Variants in PTPRB observed in about 807,000 individuals in gnomAD.
The protein encoded by PTPRB is receptor-type tyrosine-protein phosphatase beta.
A neutral mutation model predicts 238.1 loss-of-function variants in PTPRB; 97 were observed. The observed-to-expected ratio is 0.41, with a 90% CI of 0.35 to 0.48. The LOEUF (loss-of-function observed/expected upper bound fraction) is 0.48. PTPRB is among the 20% of genes least tolerant of loss of function. The pLI is 0.30. For synonymous variants in PTPRB, 970 were observed against 995.4 expected, an observed-to-expected ratio of 0.97 and a Z score of 0.48; for missense variants, 2,292 against 2,681.9, an observed-to-expected ratio of 0.85 and a Z score of 3.21.
At chr12:70,615,374 A>C (rs1381017635) in intron 3 of PTPRB, among the ~76,000 whole-genome samples, 1 of 152,036 alleles carries the variant, frequency 6.6e-6, no homozygotes, top group African/African-American at 2.4e-5. Context: ...ACTGCAAGGG[A>C]GGGGTGGGAG....
chr12:70,567,461 G>C (rs1183050116), intron 14 of PTPRB, among the ~76,000 whole-genome samples: 1 of 151,992 alleles, frequency 6.6e-6, no homozygotes. Flanking sequence ...CTATCTCTTG[G>C]TTCAAGTCAG....
chr12:70,542,063 T>G (rs1423137410), intron 22 of PTPRB: 1 of 152,224 alleles, frequency 6.6e-6, no homozygotes, highest in African/African-American at 2.4e-5. Flanking sequence ...TACATTCTCA[T>G]AAGCAGTGTA....
At chr12:70,538,285 T>G (rs536897259) in intron 27 of PTPRB, 54 bp from the exon 28 acceptor site, 2 of 1,408,526 alleles carry the variant, frequency 1.4e-6, no homozygotes, top group South Asian at 2.5e-5. Context: ...ACAGTTTATG[T>G]GATGTGTGTG....
At chr12:70,570,555 C>T (rs888982380) in intron 13 of PTPRB, among the ~76,000 whole-genome samples, 13 of 151,964 alleles carry the variant, frequency 8.6e-5, no homozygotes, top group Admixed American at 8.5e-4. Flanking sequence ...TGTCATGTTG[C>T]CCAGGCTGTG....
chr12:70,536,849 G>C (rs1405024552), intron 28 of PTPRB, among the ~76,000 whole-genome samples: 1 of 152,162 alleles, frequency 6.6e-6, no homozygotes, highest in Non-Finnish European at 1.5e-5. Flanking sequence ...TCCTCAGCAT[G>C]GTGCCTGCTT....
Position 70,539,627 on chromosome 12 carries a change from C to A in PTPRB, c.5776G>T (p.Glu1926Ter). Residue 1926 changes from glutamate (E) to a stop codon, truncating the protein, a stop_gained and splice_region_variant, in exon 26 of 34, where the codon GAG becomes TAG. Coordinates refer to ENST00000334414, the MANE Select transcript of PTPRB (RefSeq NM_001109754.4). LOFTEE classifies it high-confidence loss of function. ...DSNYLLSKEY[E>*]ELKDVGRNQS... ...GCTTCATTCTGCCTGAGTTGTACCT[C>A]GTATTCCTTGGATAGAAGGTAGTTG... 6.5e-7 allele frequency: 1 copy of A among 1,546,282 alleles called. No individual in the cohort carries two copies. Among genetic ancestry groups the A allele is most frequent in the South Asian group, 1.2e-5 (1 of 85,518 alleles).
chr12:70,539,036 T>G, intron 26 of PTPRB, 22 bp from the exon 27 acceptor site: 1 of 1,562,178 alleles, frequency 6.4e-7, no homozygotes, highest in Non-Finnish European at 8.8e-7. Context: ...AATATGAGTT[T>G]GTAAGTGGAG....
intron 18 of PTPRB, among the ~76,000 whole-genome samples, chr12:70,556,773 G>A (rs900547085): frequency 6.6e-6 from 1 of 152,142 alleles, no homozygotes; most frequent in African/African-American, 2.4e-5. Context: ...GCCAGAGGGG[G>A]AAAAACAACT....
chr12:70,622,682 T>A (rs768193905), intron 2 of PTPRB, 36 bp from the exon 3 acceptor site: 8 of 1,508,580 alleles, frequency 5.3e-6, no homozygotes, highest in Non-Finnish European at 3.6e-6. Flanking sequence ...AAGATTATTC[T>A]CATGTTTTAT....
chr12:70,599,489 CA>C (rs1565997767), intron 4 of PTPRB, among the ~76,000 whole-genome samples: 1 of 151,874 alleles, frequency 6.6e-6, no homozygotes, highest in East Asian at 1.9e-4. Context: ...TAAATCAAAT[CA>C]AAAAATAATA....
chr12:70,536,873 T>G (rs758219114), intron 28 of PTPRB, among the ~76,000 whole-genome samples: 16 of 152,220 alleles, frequency 1.1e-4, no homozygotes, highest in Non-Finnish European at 1.6e-4. Context: ...TGAGCCTTCT[T>G]TTATCTTTCT....
intron 10 of PTPRB, among the ~76,000 whole-genome samples, chr12:70,579,582 AG>A (rs1253374310): frequency 1.3e-5 from 2 of 151,912 alleles, no homozygotes; most frequent in African/African-American, 4.8e-5. Context: ...CTGTAATCCC[AG>A]CTACTCGGGA....
At chr12:70,610,955 C>A (rs1884413145) in intron 3 of PTPRB, among the ~76,000 whole-genome samples, 1 of 152,160 alleles carries the variant, frequency 6.6e-6, no homozygotes, top group African/African-American at 2.4e-5. Flanking sequence ...GCTTCAGTAC[C>A]CAAACGGTTA....
At chr12:70,555,063 C>T in intron 20 of PTPRB, 97 bp downstream of exon 20, 4 of 1,393,556 alleles carry the variant, frequency 2.9e-6, no homozygotes. Flanking sequence ...ACATTTTCTA[C>T]TTAAGTTTCT....
chr12:70,539,297 G>A (rs1044195847), intron 26 of PTPRB: 6 of 531,976 alleles, frequency 1.1e-5, no homozygotes, highest in East Asian at 6.0e-5. Context: ...TGCTTTTTGC[G>A]AAACCACGGC....
intron 30 of PTPRB, 59 bp downstream of exon 30, chr12:70,534,774 G>A: frequency 6.2e-7 from 1 of 1,604,166 alleles, no homozygotes; most frequent in Non-Finnish European, 8.5e-7. Context: ...CGAAAGTGGG[G>A]TTCACAGATC....
intron 22 of PTPRB, chr12:70,542,439 G>A (rs772007891): frequency 6.6e-6 from 1 of 152,058 alleles, no homozygotes; most frequent in Non-Finnish European, 1.5e-5. Context: ...TTAGCCGGGT[G>A]TGGTGGCGCA....
In PTPRB at chr12:70,552,787, T is replaced by C. The variant is rs1401840677; in HGVS notation, c.5377A>G (p.Thr1793Ala). The C allele has an allele frequency of 9.9e-6, 16 of 1,613,886 alleles. No individual in the cohort carries two copies. The highest frequency in any genetic ancestry group is 1.4e-5 in the Non-Finnish European group (16 of 1,179,876). The change falls in exon 21 of 34, where the codon ACT (threonine) becomes GCT (alanine). Residue 1793 changes from threonine (T) to alanine (A), a missense_variant. Physicochemically the swap from Thr to Ala is moderately conservative, Grantham distance 58. Transcript: ENST00000334414. ...GGTAATATATCTAACCTGTAGGCAG[T>C]GTGTGGCTTCAGTGGTCCATCACAG... ...KFCDGPLKPH[T>A]AYRISIRAFT...
chr12:70,555,725 C>T (rs1178858661), intron 19 of PTPRB, 145 bp downstream of exon 19: 3 of 1,055,406 alleles, frequency 2.8e-6, no homozygotes, highest in African/African-American at 1.6e-5. Context: ...CTTTTAGGTC[C>T]TCCTCTCCAG....
Sources: gnomAD v4.1 joint callset for allele counts (sites outside exome capture counted in the v4.1 genomes callset) on GRCh38, gnomAD v4.1.1 for gene constraint, MANE v1.5 for transcripts, NCBI Gene and HGNC (gene_info 2026-07-23, HGNC 2026-07-21) for gene names.